The following PIBF1 variants were observed in gnomAD, a reference collection of about 807,000 sequenced individuals.
PIBF1 encodes the protein progesterone immunomodulatory binding factor 1.
A neutral mutation model predicts 112.5 loss-of-function variants in PIBF1; 90 were observed. The ratio of observed to expected loss-of-function variants is 0.80; its 90% confidence interval spans 0.67 to 0.95. The LOEUF is 0.95. Ranked by LOEUF, PIBF1 falls within the 40% of genes least tolerant of loss-of-function variation. The probability of loss-of-function intolerance (pLI) is 0.00; values close to 1 mark genes in which losing one functional copy is unlikely to be tolerated. For missense variants in PIBF1, 915 were observed against 852.3 expected (o/e 1.07, Z -0.92); for synonymous variants, 301 against 288.6 (o/e 1.04, Z -0.44).
intron 15 of PIBF1, among the ~76,000 whole-genome samples, chr13:72,973,345 A>G (rs559258240): frequency 6.6e-6 from 1 of 151,226 alleles, no homozygotes; most frequent in Admixed American, 6.6e-5. Context: ...AAAAGAAAGG[A>G]AAAGAAAAGA....
At chr13:72,828,267 C>CTTTTTTTTT (rs780999187) in intron 8 of PIBF1, among the ~76,000 whole-genome samples, 1 of 123,670 alleles carries the variant, frequency 8.1e-6, no homozygotes, top group Non-Finnish European at 1.7e-5. Flanking sequence ...GATATGTTTG[C>CTTTTTTTTT]TTTTTTTTTT....
intron 14 of PIBF1, among the ~76,000 whole-genome samples, chr13:72,932,245 G>A (rs376753051): frequency 6.6e-6 from 1 of 152,030 alleles, no homozygotes; most frequent in Non-Finnish European, 1.5e-5. Context: ...ACCCAGCCAA[G>A]AAGTTAATAT....
At chr13:72,988,634 G>C (rs1281749439) in intron 16 of PIBF1, among the ~76,000 whole-genome samples, 1 of 152,134 alleles carries the variant, frequency 6.6e-6, no homozygotes, top group African/African-American at 2.4e-5. Flanking sequence ...TTGAATTAAA[G>C]TTATATTTTC....
At chr13:72,814,176 G>A (rs985640766) in intron 5 of PIBF1, among the ~76,000 whole-genome samples, 4 of 152,240 alleles carry the variant, frequency 2.6e-5, no homozygotes, top group Middle Eastern at 3.4e-3. Context: ...AGTGGCTCAC[G>A]CCTGTAATCC....
intron 14 of PIBF1, among the ~76,000 whole-genome samples, chr13:72,933,318 C>T (rs1019091355): frequency 6.6e-6 from 1 of 152,238 alleles, no homozygotes; most frequent in African/African-American, 2.4e-5. Flanking sequence ...AGGAGAGTCA[C>T]ATGAGCTGAG....
intron 5 of PIBF1, among the ~76,000 whole-genome samples, chr13:72,817,760 A>G (rs1593964314): frequency 6.6e-6 from 1 of 152,196 alleles, no homozygotes; most frequent in Non-Finnish European, 1.5e-5. Context: ...AGAATACAAA[A>G]TAGTCTTTTC....
chr13:72,895,691 AT>A (rs1219495421), intron 11 of PIBF1, among the ~76,000 whole-genome samples: 1 of 152,126 alleles, frequency 6.6e-6, no homozygotes, highest in Non-Finnish European at 1.5e-5. Flanking sequence ...CCTTCTGGAC[AT>A]TATGGTAATC....
intron 10 of PIBF1, among the ~76,000 whole-genome samples, chr13:72,882,289 A>G (rs2039674725): frequency 6.6e-6 from 1 of 152,204 alleles, no homozygotes; most frequent in Non-Finnish European, 1.5e-5. Flanking sequence ...CAAGGGTAAA[A>G]TCAAAATGGG....
intron 12 of PIBF1, among the ~76,000 whole-genome samples, chr13:72,912,445 A>T (rs1023381292): frequency 6.6e-6 from 1 of 152,198 alleles, no homozygotes; most frequent in Non-Finnish European, 1.5e-5. Flanking sequence ...ACTAGTCATG[A>T]GGGAAAAGCA....
At chr13:72,984,174 T>C (rs2043220317) in intron 16 of PIBF1, among the ~76,000 whole-genome samples, 1 of 152,174 alleles carries the variant, frequency 6.6e-6, no homozygotes, top group Non-Finnish European at 1.5e-5. Context: ...ATGTTGAATT[T>C]ACACACATAC....
chr13:72,998,716 G>A, intron 16 of PIBF1, 106 bp from the exon 17 acceptor site: 1 of 694,674 alleles, frequency 1.4e-6, no homozygotes, highest in Non-Finnish European at 2.5e-6. Flanking sequence ...ACTTATGTGT[G>A]TAGTATAATT....
In PIBF1 at chr13:72,990,213, CAAAAAAAAAA is replaced by C. The variant is rs34873893; in HGVS notation, c.2050-8594_2050-8585del. ...TGGGCAACAAAGCAAGACTCTGTCT[CAAAAAAAAAA>C]AAAAAAAAAAAAAATGCCAGGTACA... On this transcript the variant is annotated intron_variant, in intron 16 of 17. Transcript: ENST00000326291. Among the ~76,000 whole-genome samples the C allele has an allele frequency of 8.7e-4, 46 of 52,712 alleles. 1 individual carries two copies. The East Asian group carries it at 0.02, about 23-fold the overall frequency. 34.6% of individuals were successfully genotyped at this position (52,712 alleles called of 152,430 possible).
chr13:72,799,437 AG>A (rs2137988838), intron 5 of PIBF1, among the ~76,000 whole-genome samples: 1 of 152,360 alleles, frequency 6.6e-6, no homozygotes, highest in East Asian at 1.9e-4. Flanking sequence ...TCTGAGGAGC[AG>A]TGACATCAGC....
intron 14 of PIBF1, among the ~76,000 whole-genome samples, chr13:72,932,276 T>C (rs1446719227): frequency 6.6e-6 from 1 of 152,168 alleles, no homozygotes; most frequent in African/African-American, 2.4e-5. Flanking sequence ...TTAAAAACTA[T>C]TTCTCTTATA....
intron 16 of PIBF1, among the ~76,000 whole-genome samples, chr13:72,991,788 G>A (rs567528932): frequency 3.3e-5 from 5 of 151,466 alleles, no homozygotes; most frequent in East Asian, 2.0e-4. Flanking sequence ...GCACGATCTC[G>A]GCTCACTGCA....
At chr13:72,832,071 C>CTTTTTTTTTTTTTTTTTTTTTTTTT (rs1491281184) in intron 8 of PIBF1, among the ~76,000 whole-genome samples, 1 of 59,492 alleles carries the variant, frequency 1.7e-5, no homozygotes, top group Non-Finnish European at 3.3e-5. Context: ...GCAATTCCGG[C>CTTTTTTTTTTTTTTTTTTTTTTTTT]CTTTTTTTTT....
intron 16 of PIBF1, among the ~76,000 whole-genome samples, chr13:72,994,838 T>TA (rs1314827359): frequency 2.0e-5 from 3 of 152,222 alleles, no homozygotes; most frequent in African/African-American, 7.2e-5. Flanking sequence ...TATTGCCTGT[T>TA]ATGTTGGATT....
intron 16 of PIBF1, among the ~76,000 whole-genome samples, chr13:72,976,261 G>T (rs750437147): frequency 7.9e-5 from 12 of 151,576 alleles, no homozygotes; most frequent in Non-Finnish European, 1.5e-4. Flanking sequence ...GCAATGTAGT[G>T]CAACCCTATC....
At chr13:73,008,393 A>G (rs1009323939) in intron 17 of PIBF1, among the ~76,000 whole-genome samples, 1 of 152,200 alleles carries the variant, frequency 6.6e-6, no homozygotes, top group Non-Finnish European at 1.5e-5. Flanking sequence ...GCATTACTGT[A>G]GTAGAATTCT....
Sources: allele counts gnomAD v4.1 joint callset (sites outside exome capture counted in the v4.1 genomes callset), GRCh38; gene constraint gnomAD v4.1.1; transcripts MANE v1.5; gene names NCBI Gene and HGNC (gene_info 2026-07-23, HGNC 2026-07-21).